The following APIP variants were observed in gnomAD, a reference collection of about 807,000 sequenced individuals.
APIP encodes methylthioribulose-1-phosphate dehydratase.
Under a neutral mutation model 32.0 loss-of-function variants are expected in APIP, and 32 were observed. The observed-to-expected ratio is 1.00, with a 90% CI of 0.76 to 1.34. The LOEUF (loss-of-function observed/expected upper bound fraction) is 1.34. APIP is among the 40% of genes most tolerant of loss of function. The pLI is 0.00. For synonymous variants in APIP, 92 were observed against 94.8 expected (o/e 0.97, Z 0.17); for missense variants, 247 against 298.6 (o/e 0.83, Z 1.27).
chr11:34,915,047 G>C (rs1417537412), intron 1 of APIP, among the ~76,000 whole-genome samples: 2 of 126,814 alleles, frequency 1.6e-5, no homozygotes, highest in East Asian at 2.6e-4. Context: ...AATTTTTCAT[G>C]AACATTGAGT....
chr11:34,886,648 T>C (rs1056787462), intron 5 of APIP, among the ~76,000 whole-genome samples: 1 of 152,204 alleles, frequency 6.6e-6, no homozygotes, highest in African/African-American at 2.4e-5. Flanking sequence ...CCGTTCATGG[T>C]CAGGGCCTTA....
At chr11:34,884,131 A>G (rs1853017457) in intron 5 of APIP, among the ~76,000 whole-genome samples, 1 of 152,206 alleles carries the variant, frequency 6.6e-6, no homozygotes, top group Non-Finnish European at 1.5e-5. Flanking sequence ...TCAGAATGTA[A>G]TATTTAAACA....
chr11:34,885,382 C>T lies in APIP; in HGVS notation c.462-1878G>A, dbSNP rs562748717. ...GTGGTCCTATAAGATTATAATGGAG[C>T]TGAAAAACTCCATTATACCTGCACA... is the stretch of plus-strand genomic sequence containing the variant. On this transcript the variant is annotated intron_variant, in intron 5 of 6. Coordinates refer to ENST00000395787, the MANE Select transcript of APIP (RefSeq NM_015957.4). 5.3e-5 allele frequency among the ~76,000 whole-genome samples: 8 copies of T among 151,602 alleles called. No homozygotes were observed. The East Asian group carries it at 1.5e-3, about 29-fold the overall frequency.
chr11:34,906,578 C>T (rs568110371), intron 1 of APIP, among the ~76,000 whole-genome samples: 62 of 152,316 alleles, frequency 4.1e-4, no homozygotes, highest in African/African-American at 1.5e-3. Context: ...AGAGGCACGA[C>T]AGCAATCTAC....
chr11:34,916,030 ACCACTGATCT>A, intron 1 of APIP, 188 bp downstream of exon 1: 1 of 665,194 alleles, frequency 1.5e-6, no homozygotes, highest in South Asian at 2.0e-5. Flanking sequence ...CCCGCCCGAG[ACCACTGATCT>A]CCTGGGGCCT....
chr11:34,903,631 G>A (rs1157062693), intron 1 of APIP, among the ~76,000 whole-genome samples: 1 of 152,230 alleles, frequency 6.6e-6, no homozygotes, highest in Non-Finnish European at 1.5e-5. Flanking sequence ...AAAGGGAACA[G>A]ATGAGGTAGC....
intron 1 of APIP, among the ~76,000 whole-genome samples, chr11:34,913,819 C>T (rs140545622): frequency 1.2e-4 from 19 of 152,200 alleles, no homozygotes; most frequent in East Asian, 5.8e-4. Context: ...CACAGAGCGC[C>T]GATTGGTGCA....
In APIP at chr11:34,916,243, C is replaced by T. The variant is rs756933277; in HGVS notation, c.42G>A (p.Arg14=). The T allele has an allele frequency of 6.2e-7, 1 of 1,612,306 alleles. No homozygotes were observed. The highest frequency in any genetic ancestry group is 8.5e-7 in the Non-Finnish European group (1 of 1,179,468). ...CCGCCCCTACCTGCGCGCCGCATCT[C>T]CGGGAACAACAGTCTCCCTCCCGAG... ...CDAREGDCCS[R]RCGAQDKEHP... The change falls in exon 1 of 7, where the codon CGG becomes CGA. Residue 14 remains arginine (R), a synonymous_variant. Transcript: ENST00000395787.
Position 34,882,591 on chromosome 11 carries a change from T to C in APIP, c.*126A>G, listed in dbSNP as rs541950255. ...TGTCAGAAGAGATTCAGGGTGACCA[T>C]TTGCAGTATTTAGTGGCAAATTAGT... On this transcript the variant is annotated 3_prime_UTR_variant, in exon 7 of 7. Coordinates refer to ENST00000395787, the MANE Select transcript of APIP (RefSeq NM_015957.4). The C allele has an allele frequency of 6.7e-6, 4 of 598,718 alleles. No individual in the cohort carries two copies. In the South Asian group the frequency reaches 9.7e-5, roughly 15 times the overall value. 37.1% of individuals were successfully genotyped at this position (598,718 alleles called of 1,614,324 possible).
chr11:34,885,032 G>A (rs1853039652), intron 5 of APIP, among the ~76,000 whole-genome samples: 1 of 149,878 alleles, frequency 6.7e-6, no homozygotes, highest in South Asian at 2.1e-4. Context: ...CTTCTGAAAG[G>A]GAGTACAATT....
At chr11:34,899,278 A>T (rs1853337584) in intron 1 of APIP, among the ~76,000 whole-genome samples, 1 of 152,154 alleles carries the variant, frequency 6.6e-6, no homozygotes, top group Admixed American at 6.5e-5. Context: ...CTTTTGCACC[A>T]CTAGAAATCG....
chr11:34,898,801 T>G (rs1298894682), intron 1 of APIP, among the ~76,000 whole-genome samples: 38 of 128,524 alleles, frequency 3.0e-4, no homozygotes, highest in African/African-American at 1.1e-3. Flanking sequence ...TTTTTTTTTT[T>G]TTTTTTTTTT....
intron 1 of APIP, among the ~76,000 whole-genome samples, chr11:34,913,603 G>A (rs1853595048): frequency 6.6e-6 from 1 of 152,210 alleles, no homozygotes; most frequent in African/African-American, 2.4e-5. Context: ...CATAAAGGTA[G>A]TGCGGACCCA....
chr11:34,895,757 C>CGGAT (rs1554980737), intron 1 of APIP, among the ~76,000 whole-genome samples: 1 of 151,650 alleles, frequency 6.6e-6, no homozygotes, highest in Admixed American at 6.6e-5. Flanking sequence ...TGTATACAGA[C>CGGAT]AGATAAATAT....
At position 34,916,313 on chromosome 11, in the gene APIP, C is replaced by T; in HGVS notation, c.-29G>A. ...CCAGACCAGGGACCCGCGCGGCCTC[C>T]AATCTCCGCACGGCTTTGCGCGCGG... is the stretch of plus-strand genomic sequence containing the variant. On this transcript the variant is annotated 5_prime_UTR_variant, in exon 1 of 7. Transcript: ENST00000395787. The T allele has an allele frequency of 6.2e-7, 1 of 1,609,760 alleles. No homozygotes were observed.
At chr11:34,887,670 A>G (rs978806472) in intron 5 of APIP, among the ~76,000 whole-genome samples, 4 of 152,176 alleles carry the variant, frequency 2.6e-5, no homozygotes, top group African/African-American at 9.6e-5. Flanking sequence ...AATAAACTCA[A>G]ATGAAATGCT....
At chr11:34,914,874 T>C (rs1304752899) in intron 1 of APIP, among the ~76,000 whole-genome samples, 1 of 151,794 alleles carries the variant, frequency 6.6e-6, no homozygotes, top group Non-Finnish European at 1.5e-5. Context: ...TGTGGTGACA[T>C]GCGCCTGTAA....
chr11:34,888,779 G>C lies in APIP; in HGVS notation c.298C>G (p.Leu100Val). 1 of 1,525,226 alleles carries C rather than the reference G, an allele frequency of 6.6e-7. No individual in the cohort carries two copies. Among genetic ancestry groups the C allele is most frequent in the Non-Finnish European group, 8.7e-7 (1 of 1,150,182 alleles). 94.5% of individuals were successfully genotyped at this position (1,525,226 alleles called of 1,614,324 possible). The change falls in exon 4 of 7, where the codon CTT (leucine) becomes GTT (valine). Residue 100 changes from leucine to valine, a missense_variant. Physicochemically the swap from Leu to Val is conservative, Grantham distance 32. Transcript: ENST00000395787. ...CTCATTGTGTAAGCATTCATGAAAA[G>C]AGGAGTACACTGGCTTTTTTTTAGC... ...KKLKKSQCTPLFMNAYTMRGA... is the reference protein window; with the variant it reads ...KKLKKSQCTPVFMNAYTMRGA...
intron 2 of APIP, among the ~76,000 whole-genome samples, chr11:34,890,977 G>C (rs1853176938): frequency 6.6e-6 from 1 of 152,082 alleles, no homozygotes; most frequent in Non-Finnish European, 1.5e-5. Flanking sequence ...GTCATGCAAA[G>C]AATCAGGTTT....
Sources: allele counts gnomAD v4.1 joint callset (sites outside exome capture counted in the v4.1 genomes callset), GRCh38; gene constraint gnomAD v4.1.1; transcripts MANE v1.5; gene names NCBI Gene and HGNC (gene_info 2026-07-23, HGNC 2026-07-21).